Variants in NPAS3 observed in about 807,000 individuals in gnomAD.
NPAS3 encodes neuronal PAS domain-containing protein 3.
In NPAS3, 14 loss-of-function variants were observed where a neutral mutation model predicts 73.1. The ratio of observed to expected loss-of-function variants is 0.19; its 90% CI spans 0.13 to 0.30. The LOEUF is 0.30. Among genes scored for constraint, NPAS3 ranks in the 10% least tolerant of loss-of-function variants. NPAS3 has a pLI of 1.00. For missense variants in NPAS3, 1,096 were observed against 1,250.0 expected, an observed-to-expected ratio of 0.88 and a Z score of 1.86; for synonymous variants, 620 against 541.5, an observed-to-expected ratio of 1.14 and a Z score of -2.01.
intron 4 of NPAS3, among the ~76,000 whole-genome samples, chr14:33,542,270 C>G (rs1390662035): frequency 1.3e-5 from 2 of 152,162 alleles, no homozygotes; most frequent in Non-Finnish European, 2.9e-5. Flanking sequence ...ATAGGTCTGG[C>G]CTGTGAGACT....
chr14:33,667,397 G>T (rs913878159), intron 5 of NPAS3, among the ~76,000 whole-genome samples: 1 of 152,094 alleles, frequency 6.6e-6, no homozygotes, highest in South Asian at 2.1e-4. Context: ...TCTCAAAAGG[G>T]TTTGCTCCCT....
intron 2 of NPAS3, among the ~76,000 whole-genome samples, chr14:33,116,338 G>T (rs1041803251): frequency 2.0e-5 from 3 of 152,112 alleles, no homozygotes; most frequent in Non-Finnish European, 4.4e-5. Flanking sequence ...AATGTTGTAG[G>T]TACTAATTTG....
At chr14:32,948,948 T>C (rs2036375290) in intron 1 of NPAS3, among the ~76,000 whole-genome samples, 1 of 152,098 alleles carries the variant, frequency 6.6e-6, no homozygotes, top group Admixed American at 6.6e-5. Flanking sequence ...ATAAAATTAT[T>C]GTGTTTCCCG....
intron 5 of NPAS3, among the ~76,000 whole-genome samples, chr14:33,635,734 T>A (rs1348400473): frequency 6.6e-6 from 1 of 152,240 alleles, no homozygotes; most frequent in South Asian, 2.1e-4. Context: ...CCACCTTCCC[T>A]GGACTTGTCG....
intron 3 of NPAS3, among the ~76,000 whole-genome samples, chr14:33,286,948 GA>G (rs938609175): frequency 1.3e-5 from 2 of 152,164 alleles, no homozygotes; most frequent in African/African-American, 4.8e-5. Context: ...GCTACTTCCT[GA>G]GCAGAGAATG....
In NPAS3 at chr14:33,393,262, G is replaced by T. The variant is rs12589923; in HGVS notation, c.468+25994G>T. On this transcript the variant is annotated intron_variant, in intron 4 of 11. Coordinates refer to ENST00000356141, the Ensembl canonical transcript of NPAS3. ...TTGAAATGATATTTGTTAAGCTGTG[G>T]TCACCGTATTTGCTGATAGTTTTTT... is the stretch of plus-strand genomic sequence containing the variant. Among the ~76,000 whole-genome samples, 1,168 of 152,222 alleles carry T rather than the reference G, an allele frequency of 7.7e-3. 32 individuals are homozygous for T. In the East Asian group the frequency reaches 0.11, roughly 14 times the overall value.
chr14:33,403,759 A>G (rs997125608), intron 4 of NPAS3, among the ~76,000 whole-genome samples: 5 of 151,988 alleles, frequency 3.3e-5, no homozygotes, highest in African/African-American at 4.8e-5. Context: ...ATGAACTATT[A>G]TTGTGGCCCA....
intron 6 of NPAS3, among the ~76,000 whole-genome samples, chr14:33,727,644 G>A (rs923858857): frequency 3.3e-5 from 5 of 151,516 alleles, no homozygotes; most frequent in Non-Finnish European, 5.9e-5. Context: ...AAAGAAGGAA[G>A]GAAATAAAAG....
chr14:33,153,529 A>C (rs2044537485), intron 2 of NPAS3, among the ~76,000 whole-genome samples: 1 of 151,306 alleles, frequency 6.6e-6, no homozygotes, highest in African/African-American at 2.4e-5. Context: ...TGATCACTTA[A>C]TCTTCCCGTT....
At chr14:33,245,753 CAT>C (rs1050174950) in intron 3 of NPAS3, among the ~76,000 whole-genome samples, 3 of 152,176 alleles carry the variant, frequency 2.0e-5, no homozygotes, top group African/African-American at 7.2e-5. Flanking sequence ...TACTCTAATA[CAT>C]GTTTGGGTTG....
chr14:33,426,504 A>C (rs1475036419), intron 4 of NPAS3, among the ~76,000 whole-genome samples: 3 of 152,076 alleles, frequency 2.0e-5, no homozygotes, highest in African/African-American at 7.2e-5. Flanking sequence ...CATGCAACAG[A>C]GGACACAGGC....
At chr14:33,410,537 T>C (rs573103169) in intron 4 of NPAS3, among the ~76,000 whole-genome samples, 28 of 152,324 alleles carry the variant, frequency 1.8e-4, no homozygotes, top group Non-Finnish European at 3.7e-4. Flanking sequence ...AACAGAAAAT[T>C]CATTACTTCT....
At chr14:33,100,479 A>G (rs559194933) in intron 2 of NPAS3, among the ~76,000 whole-genome samples, 1 of 152,308 alleles carries the variant, frequency 6.6e-6, no homozygotes, top group South Asian at 2.1e-4. Context: ...TCATAATAGA[A>G]AAGCCTACTT....
At chr14:33,687,759 C>T (rs1425286229) in intron 6 of NPAS3, among the ~76,000 whole-genome samples, 4 of 152,106 alleles carry the variant, frequency 2.6e-5, no homozygotes, top group Non-Finnish European at 4.4e-5. Flanking sequence ...TTCATTTATT[C>T]TTTACTCATT....
chr14:33,047,022 A>G (rs1020431849), intron 1 of NPAS3, among the ~76,000 whole-genome samples: 8 of 152,120 alleles, frequency 5.3e-5, no homozygotes, highest in African/African-American at 1.7e-4. Flanking sequence ...TGGGTTCTTT[A>G]AAAAGATCAA....
chr14:33,175,662 T>C (rs1000664501), intron 2 of NPAS3, among the ~76,000 whole-genome samples: 4 of 152,188 alleles, frequency 2.6e-5, no homozygotes, highest in Non-Finnish European at 5.9e-5. Flanking sequence ...TTTTATTGAA[T>C]AGTTGAGTGG....
intron 4 of NPAS3, among the ~76,000 whole-genome samples, chr14:33,491,056 C>T (rs2051870898): frequency 6.6e-6 from 1 of 152,170 alleles, no homozygotes; most frequent in Admixed American, 6.5e-5. Flanking sequence ...GATTCCTCAA[C>T]CCTACCATGA....
chr14:33,420,770 T>C (rs900827555), intron 4 of NPAS3, among the ~76,000 whole-genome samples: 2 of 151,932 alleles, frequency 1.3e-5, no homozygotes, highest in Non-Finnish European at 2.9e-5. Flanking sequence ...TTCTACAGAT[T>C]TGTTTATGCC....
At chr14:33,328,102 A>G (rs111407100) in intron 3 of NPAS3, among the ~76,000 whole-genome samples, 3 of 152,294 alleles carry the variant, frequency 2.0e-5, no homozygotes, top group South Asian at 2.1e-4. Context: ...TGTAATGGGC[A>G]TAAAAAGCTC....
Sources: allele counts gnomAD v4.1 joint callset (sites outside exome capture counted in the v4.1 genomes callset), GRCh38; gene constraint gnomAD v4.1.1; transcripts MANE v1.5; gene names NCBI Gene and HGNC (gene_info 2026-07-23, HGNC 2026-07-21).